The following SH3RF3 variants were observed in gnomAD, a reference collection of about 807,000 sequenced individuals.
SH3RF3 encodes SH3 domain containing ring finger 3.
Under a neutral mutation model 66.3 loss-of-function variants are expected in SH3RF3, and 29 were observed. The ratio of observed to expected loss-of-function variants is 0.44; its 90% CI spans 0.33 to 0.60. SH3RF3 has a LOEUF of 0.60. Ranked by LOEUF, SH3RF3 falls within the 20% of genes least tolerant of loss-of-function variation. The probability of loss-of-function intolerance (pLI) is 0.04; values close to 1 mark genes in which losing one functional copy is unlikely to be tolerated. For synonymous variants in SH3RF3, 583 were observed against 532.0 expected, an observed-to-expected ratio of 1.10 and a Z score of -1.32; for missense variants, 1,194 against 1,190.9, an observed-to-expected ratio of 1.00 and a Z score of -0.04.
chr2:109,320,664 G>A (rs1429030780), intron 1 of SH3RF3, among the ~76,000 whole-genome samples: 1 of 152,192 alleles, frequency 6.6e-6, no homozygotes, highest in Non-Finnish European at 1.5e-5. Context: ...ATGCACAACT[G>A]TTGTTCTTGT....
chr2:109,331,243 C>A (rs1357141062), intron 1 of SH3RF3, among the ~76,000 whole-genome samples: 2 of 152,138 alleles, frequency 1.3e-5, no homozygotes, highest in African/African-American at 4.8e-5. Context: ...TGTACAGACC[C>A]CCACCCGCCT....
intron 1 of SH3RF3, among the ~76,000 whole-genome samples, chr2:109,229,087 C>T (rs1359908964): frequency 6.6e-6 from 1 of 152,180 alleles, no homozygotes; most frequent in African/African-American, 2.4e-5. Flanking sequence ...GAACCTCAAT[C>T]AAAGACCAAA....
intron 9 of SH3RF3, among the ~76,000 whole-genome samples, chr2:109,501,017 C>T (rs1222400958): frequency 6.6e-6 from 1 of 152,210 alleles, no homozygotes; most frequent in Non-Finnish European, 1.5e-5. Flanking sequence ...TGGGCCCCAA[C>T]CTGTGAGGTG....
intron 1 of SH3RF3, among the ~76,000 whole-genome samples, chr2:109,163,492 G>A (rs11687675): frequency 0.52 from 71,403 of 137,756 alleles, 18,611 homozygotes; most frequent in South Asian, 0.62. Context: ...TCCGCCTCCC[G>A]GGTTCACGCC....
At chr2:109,288,449 G>T (rs894130237) in intron 1 of SH3RF3, among the ~76,000 whole-genome samples, 2 of 152,180 alleles carry the variant, frequency 1.3e-5, no homozygotes, top group African/African-American at 4.8e-5. Flanking sequence ...GATAAAGCCA[G>T]AAAGTATGAG....
intron 1 of SH3RF3, among the ~76,000 whole-genome samples, chr2:109,195,876 C>T (rs1245415333): frequency 1.3e-5 from 2 of 152,170 alleles, no homozygotes; most frequent in African/African-American, 4.8e-5. Context: ...TGGAAGGTCT[C>T]TCGAATTTCC....
intron 1 of SH3RF3, among the ~76,000 whole-genome samples, chr2:109,341,544 G>A (rs888358829): frequency 1.3e-5 from 2 of 152,192 alleles, no homozygotes; most frequent in African/African-American, 4.8e-5. Flanking sequence ...GAGTGAGTCA[G>A]AATATAAGCT....
intron 3 of SH3RF3, among the ~76,000 whole-genome samples, chr2:109,378,357 G>A (rs1371711853): frequency 6.6e-6 from 1 of 152,218 alleles, no homozygotes; most frequent in East Asian, 1.9e-4. Flanking sequence ...GAGAGGGATG[G>A]AAGGATGGGG....
chr2:109,142,923 C>T (rs542283912), intron 1 of SH3RF3, among the ~76,000 whole-genome samples: 155 of 152,228 alleles, frequency 1.0e-3, no homozygotes, highest in African/African-American at 3.3e-3. Context: ...TGACAATTGT[C>T]GTGCTGACAG....
intron 1 of SH3RF3, among the ~76,000 whole-genome samples, chr2:109,287,157 C>A (rs979341403): frequency 6.6e-6 from 1 of 152,126 alleles, no homozygotes; most frequent in African/African-American, 2.4e-5. Context: ...ATAAAAAAGA[C>A]CCAGTGATTA....
chr2:109,437,145 AG>A lies in SH3RF3; in HGVS notation c.1828+1del. ...GCCAAGCCCGGAGCACCATTTCAAC[AG>A]GTACCTTCACAGGGGCCTCACCCTG... ...ASQARSTISTAAHSAAQAQDR... is the reference protein window; with the variant it reads ...ASQARSTISTXAHSAAQAQDR... On this transcript the variant is annotated frameshift_variant and splice_region_variant, in exon 7 of 10. Coordinates refer to ENST00000309415, the MANE Select transcript of SH3RF3 (RefSeq NM_001099289.3). LOFTEE classifies it high-confidence loss of function. 6.2e-7 allele frequency: 1 copy of A among 1,607,508 alleles called. No homozygotes were observed. Among genetic ancestry groups the A allele is most frequent in the Non-Finnish European group, 8.5e-7 (1 of 1,175,606 alleles).
In SH3RF3 at chr2:109,172,539, C is replaced by T. The variant is rs557251774; in HGVS notation, c.573+42426C>T. 1.2e-4 allele frequency among the ~76,000 whole-genome samples: 18 copies of T among 152,330 alleles called. No individual in the cohort carries two copies. The South Asian group carries it at 2.1e-3, about 18-fold the overall frequency. ...CTTTCTTACCTCCCTCCGCTTGTCC[C>T]GTCCTAGCTCTTGTTATTCCAAACA... On this transcript the variant is annotated intron_variant, in intron 1 of 9. Transcript: ENST00000309415.
At chr2:109,269,140 G>A (rs978608969) in intron 1 of SH3RF3, among the ~76,000 whole-genome samples, 4 of 152,194 alleles carry the variant, frequency 2.6e-5, no homozygotes, top group Non-Finnish European at 5.9e-5. Flanking sequence ...TGGAAGCGTG[G>A]GCATCATAGG....
At chr2:109,199,602 T>TCTTCC (rs1558953936) in intron 1 of SH3RF3, among the ~76,000 whole-genome samples, 1 of 340 alleles carries the variant, frequency 2.9e-3, no homozygotes, top group Non-Finnish European at 7.0e-3. Context: ...TGGAATGGAA[T>TCTTCC]GGAATGGAAT....
intron 1 of SH3RF3, among the ~76,000 whole-genome samples, chr2:109,225,822 G>A (rs1019614551): frequency 6.6e-6 from 1 of 152,214 alleles, no homozygotes; most frequent in Non-Finnish European, 1.5e-5. Context: ...CTGCACTGCA[G>A]AAGTGCGATC....
Position 109,271,064 on chromosome 2 carries a change from G to A in SH3RF3, c.574-76610G>A, listed in dbSNP as rs551185585. Among the ~76,000 whole-genome samples the A allele has an allele frequency of 1.9e-3, 282 of 152,322 alleles. 1 individual carries two copies. Among genetic ancestry groups the A allele is most frequent in the South Asian group, 0.012 (56 of 4,826 alleles). The stretch of plus-strand genomic sequence containing the variant: ...TCCTGAGTATACATTAGTCTAAGGC[G>A]GAGTCAGTGTTGATCCATTCCACCC... On this transcript the variant is annotated intron_variant, in intron 1 of 9. Coordinates refer to ENST00000309415, the MANE Select transcript of SH3RF3 (RefSeq NM_001099289.3).
At chr2:109,156,920 C>T (rs1452450299) in intron 1 of SH3RF3, among the ~76,000 whole-genome samples, 2 of 152,160 alleles carry the variant, frequency 1.3e-5, no homozygotes, top group Non-Finnish European at 2.9e-5. Flanking sequence ...GCTTTCTTTC[C>T]AGTTCAAATA....
At chr2:109,249,994 C>T (rs1680047427) in intron 1 of SH3RF3, among the ~76,000 whole-genome samples, 1 of 150,148 alleles carries the variant, frequency 6.7e-6, no homozygotes, top group Admixed American at 6.6e-5. Context: ...TGCACCAGAT[C>T]TCTACCAAAT....
chr2:109,225,820 C>T (rs2105165809), intron 1 of SH3RF3, among the ~76,000 whole-genome samples: 1 of 152,314 alleles, frequency 6.6e-6, no homozygotes, highest in Middle Eastern at 3.4e-3. Flanking sequence ...GGCTGCACTG[C>T]AGAAGTGCGA....
Sources: gnomAD v4.1 joint callset for allele counts (sites outside exome capture counted in the v4.1 genomes callset) on GRCh38, gnomAD v4.1.1 for gene constraint, MANE v1.5 for transcripts, NCBI Gene and HGNC (gene_info 2026-07-23, HGNC 2026-07-21) for gene names.